The following ESRRG variants were observed in gnomAD, a reference collection of about 807,000 sequenced individuals.
The protein encoded by ESRRG is estrogen related receptor gamma.
ESRRG carries 13 observed loss-of-function variants against 44.0 expected under a neutral mutation model. That is an observed-to-expected ratio of 0.30 (90% confidence interval 0.19 to 0.47). ESRRG has a LOEUF of 0.47. Among genes scored for constraint, ESRRG ranks in the 20% least tolerant of loss-of-function variants. ESRRG has a pLI of 1.00. For synonymous variants in ESRRG, 215 were observed against 214.6 expected (o/e 1.00, Z -0.02); for missense variants, 395 against 580.6 (o/e 0.68, Z 3.29).
intron 2 of ESRRG, among the ~76,000 whole-genome samples, chr1:216,741,889 A>C (rs2090782467): frequency 6.6e-6 from 1 of 152,132 alleles, no homozygotes; most frequent in African/African-American, 2.4e-5. Context: ...CTACATTCTC[A>C]AAGTTAAATT....
chr1:216,950,821 A>AT (rs1000409293), intron 1 of ESRRG, among the ~76,000 whole-genome samples: 4 of 152,196 alleles, frequency 2.6e-5, no homozygotes, highest in Admixed American at 6.5e-5. Flanking sequence ...CATTTCTCTT[A>AT]TTTTTAAAAA....
chr1:216,741,620 C>T (rs2090748397), intron 2 of ESRRG, among the ~76,000 whole-genome samples: 1 of 152,054 alleles, frequency 6.6e-6, no homozygotes, highest in South Asian at 2.1e-4. Context: ...AGGCAGAGAC[C>T]CTGTCTCATC....
intron 2 of ESRRG, among the ~76,000 whole-genome samples, chr1:216,901,351 T>C (rs2059049688): frequency 1.3e-5 from 2 of 152,170 alleles, no homozygotes; most frequent in Admixed American, 1.3e-4. Context: ...ACTCAAGTTA[T>C]GCCTTGTCTT....
intron 2 of ESRRG, among the ~76,000 whole-genome samples, chr1:216,794,279 T>C (rs2094412801): frequency 6.6e-6 from 1 of 152,160 alleles, no homozygotes; most frequent in African/African-American, 2.4e-5. Context: ...GTATTTACAC[T>C]CATTATGAGT....
intron 2 of ESRRG, among the ~76,000 whole-genome samples, chr1:216,821,276 GTCTC>G (rs1274978034): frequency 2.6e-5 from 4 of 152,160 alleles, no homozygotes; most frequent in Admixed American, 2.6e-4. Flanking sequence ...CTGTTTTGCG[GTCTC>G]TATTTAGTGG....
intron 5 of ESRRG, among the ~76,000 whole-genome samples, chr1:216,538,640 A>T (rs1228945030): frequency 6.6e-6 from 1 of 152,078 alleles, no homozygotes; most frequent in Non-Finnish European, 1.5e-5. Flanking sequence ...TAGTTTAAAA[A>T]GAACAAGCTA....
intron 3 of ESRRG, among the ~76,000 whole-genome samples, chr1:216,633,869 T>C (rs578006017): frequency 2.6e-5 from 4 of 152,284 alleles, no homozygotes; most frequent in African/African-American, 9.6e-5. Flanking sequence ...CCCTACAGAG[T>C]TGAACTGCTT....
In ESRRG at chr1:216,578,588, C is replaced by G. The variant is rs151062153; in HGVS notation, c.590-10490G>C. ...AAGGATACTCTAAAATGGGTTGATT[C>G]AGAGTCTGATATGAAATCAAGAGAA... On this transcript the variant is annotated intron_variant, in intron 3 of 6. Transcript: ENST00000408911. Among the ~76,000 whole-genome samples, 316 of 152,156 alleles carry G rather than the reference C, an allele frequency of 2.1e-3. 1 individual carries two copies. Among genetic ancestry groups the G allele is most frequent in the African/African-American group, 7.3e-3 (303 of 41,536 alleles).
At chr1:216,569,078 GAGAAAGGA>G (rs1276967183) in intron 3 of ESRRG, among the ~76,000 whole-genome samples, 1 of 52,400 alleles carries the variant, frequency 1.9e-5, no homozygotes, top group East Asian at 6.5e-4. Flanking sequence ...GAAAGACAGA[GAGAAAGGA>G]AGGAAGGAAG....
At chr1:216,728,098 C>A (rs889739928), upstream of ESRRG, among the ~76,000 whole-genome samples, 11 of 152,148 alleles carry the variant, frequency 7.2e-5, no homozygotes, top group African/African-American at 2.7e-4. Flanking sequence ...ATCATACTTA[C>A]CCTGGTAAGA....
intron 2 of ESRRG, among the ~76,000 whole-genome samples, chr1:216,801,119 C>T (rs899779093): frequency 1.3e-5 from 2 of 152,042 alleles, no homozygotes; most frequent in East Asian, 3.9e-4. Context: ...TGCAAGAGCA[C>T]CTAAAATCTA....
At chr1:216,556,395 T>C (rs964648740) in intron 5 of ESRRG, among the ~76,000 whole-genome samples, 5 of 152,176 alleles carry the variant, frequency 3.3e-5, no homozygotes, top group African/African-American at 4.8e-5. Context: ...GCAATTACCA[T>C]GAACTTGCCT....
At chr1:217,002,421 T>C (rs1023209684) in intron 1 of ESRRG, among the ~76,000 whole-genome samples, 1 of 151,988 alleles carries the variant, frequency 6.6e-6, no homozygotes, top group African/African-American at 2.4e-5. Context: ...TAAAGTTATA[T>C]GGGCTTAGAT....
At chr1:216,940,439 C>A (rs1223194139) in intron 1 of ESRRG, among the ~76,000 whole-genome samples, 1 of 152,106 alleles carries the variant, frequency 6.6e-6, no homozygotes, top group Non-Finnish European at 1.5e-5. Flanking sequence ...CCTTGGATAT[C>A]CGGGGAAATT....
intron 1 of ESRRG, among the ~76,000 whole-genome samples, chr1:217,052,012 C>T (rs886473394): frequency 6.6e-6 from 1 of 152,140 alleles, no homozygotes; most frequent in Non-Finnish European, 1.5e-5. Context: ...CTCAAGCAAT[C>T]CTCCCACCTC....
chr1:217,117,709 A>C (rs548200055), intron 1 of ESRRG, among the ~76,000 whole-genome samples: 24 of 152,288 alleles, frequency 1.6e-4, no homozygotes, highest in Admixed American at 5.2e-4. Context: ...TATTAAACCC[A>C]TTTCCAAGTT....
At chr1:216,827,015 T>C (rs535451643) in intron 2 of ESRRG, among the ~76,000 whole-genome samples, 1 of 152,244 alleles carries the variant, frequency 6.6e-6, no homozygotes, top group Admixed American at 6.5e-5. Flanking sequence ...TACAGAAGCA[T>C]TGATTGCTTC....
At chr1:216,584,760 G>A (rs1197762947) in intron 3 of ESRRG, among the ~76,000 whole-genome samples, 1 of 152,138 alleles carries the variant, frequency 6.6e-6, no homozygotes, top group African/African-American at 2.4e-5. Context: ...AATAAGAAAG[G>A]TACTAGTAAC....
At chr1:216,552,739 C>T (rs2056684309) in intron 5 of ESRRG, among the ~76,000 whole-genome samples, 1 of 152,106 alleles carries the variant, frequency 6.6e-6, no homozygotes, top group African/African-American at 2.4e-5. Flanking sequence ...AAGGCCATTC[C>T]AGCTCTATCA....
Sources: allele counts gnomAD v4.1 joint callset (sites outside exome capture counted in the v4.1 genomes callset), GRCh38; gene constraint gnomAD v4.1.1; transcripts MANE v1.5; gene names NCBI Gene and HGNC (gene_info 2026-07-23, HGNC 2026-07-21).